The following PRDM12 variants were observed in gnomAD, a reference collection of about 807,000 sequenced individuals.
PRDM12 encodes PR/SET domain 12, also known as PR domain zinc finger protein 12.
A neutral mutation model predicts 29.6 loss-of-function variants in PRDM12; 17 were observed. That is an observed-to-expected ratio of 0.57 (90% CI 0.39 to 0.86). The LOEUF (loss-of-function observed/expected upper bound fraction) is 0.86. Ranked by LOEUF, PRDM12 falls within the 40% of genes least tolerant of loss-of-function variation. PRDM12 has a pLI of 0.00. For synonymous variants in PRDM12, 231 were observed against 225.8 expected (o/e 1.02, Z -0.21); for missense variants, 422 against 510.8 (o/e 0.83, Z 1.68).
chr9:130,681,779 G>A lies in PRDM12; in HGVS notation c.*110G>A. 2.2e-6 allele frequency: 2 copies of A among 928,156 alleles called. No homozygotes were observed. Among genetic ancestry groups the A allele is most frequent in the Non-Finnish European group, 2.6e-6 (2 of 777,934 alleles). 57.5% of individuals were successfully genotyped at this position (928,156 alleles called of 1,614,324 possible). ...ACCCCCGGCCCGGCGCCGCCGCGGAGCCCCGCGCGCTGGGGTTGCGCCCCG... is the reference window on the plus strand; with the variant it reads ...ACCCCCGGCCCGGCGCCGCCGCGGAACCCCGCGCGCTGGGGTTGCGCCCCG... On this transcript the variant is annotated 3_prime_UTR_variant, in exon 5 of 5. Coordinates refer to ENST00000253008, the MANE Select transcript of PRDM12 (RefSeq NM_021619.3). The surrounding 1 kb of genome is among the most constrained non-coding windows in gnomAD (Gnocchi z 8.1).
intron 3 of PRDM12, among the ~76,000 whole-genome samples, chr9:130,675,014 G>A (rs1830828434): frequency 6.6e-6 from 1 of 152,012 alleles, no homozygotes; most frequent in African/African-American, 2.4e-5. Context: ...TGAGCAGGTG[G>A]GATTACAGGT....
At chr9:130,674,550 C>T (rs1249070050) in intron 3 of PRDM12, among the ~76,000 whole-genome samples, 2 of 145,500 alleles carry the variant, frequency 1.4e-5, no homozygotes, top group African/African-American at 2.6e-5. Flanking sequence ...GTAATATGTG[C>T]TCATTATTTT....
chr9:130,679,630 G>A (rs182423424), intron 4 of PRDM12, among the ~76,000 whole-genome samples: 22 of 151,702 alleles, frequency 1.5e-4, no homozygotes, highest in Admixed American at 1.3e-3. Context: ...ACGGCACCTG[G>A]CCTGTGAAAT....
At chr9:130,671,281 G>T in intron 3 of PRDM12, among the ~76,000 whole-genome samples, 1 of 151,848 alleles carries the variant, frequency 6.6e-6, no homozygotes, top group East Asian at 1.9e-4. Context: ...GGAGGCGGAG[G>T]TTGTAGTGAA....
intron 3 of PRDM12, among the ~76,000 whole-genome samples, chr9:130,669,773 A>ACG: frequency 7.2e-6 from 1 of 139,278 alleles, no homozygotes; most frequent in Non-Finnish European, 1.5e-5. Flanking sequence ...CCGAGATGGC[A>ACG]CCACTGTACT....
chr9:130,681,837 G>C lies in PRDM12; in HGVS notation c.*168G>C, dbSNP rs1830908185. The C allele has an allele frequency of 1.7e-6, 1 of 594,722 alleles. No homozygotes were observed. Among genetic ancestry groups the C allele is most frequent in the South Asian group, 7.4e-5 (1 of 13,532 alleles). 36.8% of individuals were successfully genotyped at this position (594,722 alleles called of 1,614,324 possible). A position where few individuals can be genotyped will look rare whatever the true frequency, so the allele number is the denominator to read the frequency against. The stretch of plus-strand genomic sequence containing the variant: ...ATCTCAGGCACCCCCGCCTTGGCCC[G>C]TGTCGCAGATGAGGACACTGAGGGC... On this transcript the variant is annotated 3_prime_UTR_variant, in exon 5 of 5. Coordinates refer to ENST00000253008, the MANE Select transcript of PRDM12 (RefSeq NM_021619.3). This position sits in a 1 kb window ranked among gnomAD's most constrained non-coding sequence, Gnocchi z 8.1.
At position 130,668,343 on chromosome 9, in the gene PRDM12, G is replaced by C; in HGVS notation, c.570+30G>C. ...GTGTGTGTGTGTGCACTGTTGTGTA[G>C]GGACCAGCCGGTAAACCCGGCGGGG... On this transcript the variant is annotated intron_variant, in intron 3 of 4. Transcript: ENST00000253008. This position sits in a 1 kb window ranked among gnomAD's most constrained non-coding sequence, Gnocchi z 4.0. The C allele has an allele frequency of 6.2e-7, 1 of 1,607,790 alleles. No homozygotes were observed. The highest frequency in any genetic ancestry group is 1.1e-5 in the South Asian group (1 of 90,810).
chr9:130,670,594 C>T (rs930871424), intron 3 of PRDM12, among the ~76,000 whole-genome samples: 1 of 152,190 alleles, frequency 6.6e-6, no homozygotes, highest in African/African-American at 2.4e-5. Flanking sequence ...GCTGGGCCAC[C>T]ACATCCTAAA....
intron 3 of PRDM12, among the ~76,000 whole-genome samples, chr9:130,674,352 T>A (rs1256871941): frequency 6.6e-6 from 1 of 152,148 alleles, no homozygotes; most frequent in Non-Finnish European, 1.5e-5. Context: ...TTTCACCATG[T>A]TGGCCAGGCT....
intron 3 of PRDM12, among the ~76,000 whole-genome samples, chr9:130,674,492 TTGTGTGTGTGTGTGTGTG>T (rs58489448): frequency 2.1e-5 from 3 of 142,796 alleles, no homozygotes; most frequent in Admixed American, 7.1e-5. Context: ...AAAAGATAAT[TTGTGTGTGTGTGTGTGTG>T]TGTGTGTGTG....
chr9:130,675,683 G>T (rs1830835550), intron 3 of PRDM12, among the ~76,000 whole-genome samples: 1 of 152,240 alleles, frequency 6.6e-6, no homozygotes, highest in Non-Finnish European at 1.5e-5. Context: ...CCATGGCAAT[G>T]TGAGGAAACA....
chr9:130,680,659 A>T (rs906661863), intron 4 of PRDM12, among the ~76,000 whole-genome samples: 15,954 of 72,114 alleles, frequency 0.22, 2,055 homozygotes, highest in South Asian at 0.28. Flanking sequence ...ATATATATAT[A>T]TTTTTTTTTT....
At chr9:130,680,634 A>ATATATATATATAT (rs1554753095) in intron 4 of PRDM12, among the ~76,000 whole-genome samples, 18 of 88,470 alleles carry the variant, frequency 2.0e-4, no homozygotes, top group South Asian at 8.1e-4. Flanking sequence ...AAAAAAAAAA[A>ATATATATATATAT]ATATATATAT....
chr9:130,675,169 T>C (rs576393694), intron 3 of PRDM12, among the ~76,000 whole-genome samples: 2 of 152,324 alleles, frequency 1.3e-5, no homozygotes, highest in South Asian at 4.1e-4. Context: ...CATGAGCCAC[T>C]GCACCCAGCC....
At chr9:130,670,974 A>G (rs1281230728) in intron 3 of PRDM12, among the ~76,000 whole-genome samples, 1 of 152,248 alleles carries the variant, frequency 6.6e-6, no homozygotes, top group South Asian at 2.1e-4. Context: ...AGGCTGAAGA[A>G]TATCTTCAGG....
chr9:130,669,534 G>A (rs1382287846), intron 3 of PRDM12, among the ~76,000 whole-genome samples: 32 of 120,480 alleles, frequency 2.7e-4, no homozygotes, highest in African/African-American at 8.6e-4. Context: ...AAAAAAAAAA[G>A]GCTTGGCACA....
chr9:130,677,576 G>A (rs927794429), intron 3 of PRDM12, among the ~76,000 whole-genome samples: 1 of 152,246 alleles, frequency 6.6e-6, no homozygotes, highest in Non-Finnish European at 1.5e-5. Flanking sequence ...AGCACTTCTG[G>A]AGTCCAGGCC....
At position 130,681,813 on chromosome 9, in the gene PRDM12, T is replaced by C; in HGVS notation, c.*144T>C. On this transcript the variant is annotated 3_prime_UTR_variant, in exon 5 of 5. Transcript: ENST00000253008. The surrounding 1 kb of genome is among the most constrained non-coding windows in gnomAD (Gnocchi z 8.1). The stretch of plus-strand genomic sequence containing the variant: ...GCTGGGGTTGCGCCCCGGAGGCGGA[T>C]CTCAGGCACCCCCGCCTTGGCCCGT... 1.3e-6 allele frequency: 1 copy of C among 741,604 alleles called. No homozygotes were observed. Among genetic ancestry groups the C allele is most frequent in the Non-Finnish European group, 1.6e-6 (1 of 607,620 alleles). The allele number at this position is 741,604 out of a possible 1,614,324, so 45.9% of individuals were successfully genotyped here.
chr9:130,668,578 G>T lies in PRDM12; in HGVS notation c.570+265G>T, dbSNP rs536381349. On this transcript the variant is annotated intron_variant, in intron 3 of 4. Transcript: ENST00000253008. The surrounding 1 kb of genome is among the most constrained non-coding windows in gnomAD (Gnocchi z 4.0). ...AACTTGACGGCATTGGGAATGTCACGAGCATCTCCATAGTGAGGTCCCCAG... is the reference window on the plus strand; with the variant it reads ...AACTTGACGGCATTGGGAATGTCACTAGCATCTCCATAGTGAGGTCCCCAG... Among the ~76,000 whole-genome samples, 2 of 152,206 alleles carry T rather than the reference G, an allele frequency of 1.3e-5. No homozygotes were observed. Among genetic ancestry groups the T allele is most frequent in the Admixed American group, 1.3e-4 (2 of 15,272 alleles).
Sources: allele counts gnomAD v4.1 joint callset (sites outside exome capture counted in the v4.1 genomes callset), GRCh38; gene constraint gnomAD v4.1.1; non-coding constraint Gnocchi (gnomAD v3.1); transcripts MANE v1.5; gene names NCBI Gene and HGNC (gene_info 2026-07-23, HGNC 2026-07-21).